Variants in DAO observed in about 807,000 individuals in gnomAD.
DAO encodes D-amino acid oxidase.
A neutral mutation model predicts 50.1 loss-of-function variants in DAO; 51 were observed. That is an observed-to-expected ratio of 1.02 (90% CI 0.81 to 1.29). The LOEUF (loss-of-function observed/expected upper bound fraction) is 1.29. Ranked by LOEUF, DAO falls within the 50% of genes most tolerant of loss-of-function variation. DAO has a pLI of 0.00. For synonymous variants in DAO, 160 were observed against 166.2 expected (o/e 0.96, Z 0.29); for missense variants, 436 against 439.4 (o/e 0.99, Z 0.07).
intron 7 of DAO, among the ~76,000 whole-genome samples, chr12:108,895,787 G>A (rs547982463): frequency 1.1e-4 from 16 of 151,820 alleles, no homozygotes; most frequent in Non-Finnish European, 2.2e-4. Flanking sequence ...GTGTGTGCAT[G>A]TGCACCTGTG....
At position 108,900,195 on chromosome 12, in the gene DAO, A is replaced by T; in HGVS notation, c.913-209A>T. 7.2e-6 allele frequency: 4 copies of T among 559,036 alleles called. 1 individual carries two copies. In the South Asian group the frequency reaches 7.8e-5, roughly 11 times the overall value. 34.6% of individuals were successfully genotyped at this position (559,036 alleles called of 1,614,324 possible). On this transcript the variant is annotated intron_variant, in intron 10 of 10. Transcript: ENST00000228476. ...AATTTGACTCCAAGGCTATTTCCAGATATCCATTTTGTGGCTGCCCCATCA... is the reference window on the plus strand; with the variant it reads ...AATTTGACTCCAAGGCTATTTCCAGTTATCCATTTTGTGGCTGCCCCATCA...
intron 1 of DAO, 59 bp downstream of exon 1, chr12:108,880,283 G>A: frequency 2.7e-6 from 1 of 374,650 alleles, no homozygotes; most frequent in Non-Finnish European, 5.4e-6. Flanking sequence ...GAGAGGCAAA[G>A]GATTTCATGT....
chr12:108,888,168 A>G (rs531759640), intron 3 of DAO, among the ~76,000 whole-genome samples: 16 of 152,312 alleles, frequency 1.1e-4, no homozygotes, highest in African/African-American at 3.6e-4. Context: ...CATGGTGTCC[A>G]GTGTGCTAAC....
rs758571359 is a variant in DAO, at chr12:108,887,493, C to T, written c.238C>T (p.His80Tyr). 1.8e-5 allele frequency: 29 copies of T among 1,614,036 alleles called. No homozygotes were observed. In the South Asian group the frequency reaches 3.1e-4, roughly 17 times the overall value. The change falls in exon 3 of 11, where the codon CAT becomes TAT. Residue 80 changes from histidine to tyrosine, a missense_variant. By Grantham distance (83) the His-to-Tyr change is moderately conservative. Transcript: ENST00000228476. Reference protein sequence around the residue: ...QTFDYLLSHVHSPNAENLGLF... With the variant: ...QTFDYLLSHVYSPNAENLGLF... ...CTTTGACTATCTCCTGAGCCATGTCCATTCTCCCAACGCTGAAAACCTGGG... is the reference window on the plus strand; with the variant it reads ...CTTTGACTATCTCCTGAGCCATGTCTATTCTCCCAACGCTGAAAACCTGGG...
At chr12:108,892,154 T>C (rs2039498180) in intron 5 of DAO, among the ~76,000 whole-genome samples, 1 of 147,098 alleles carries the variant, frequency 6.8e-6, no homozygotes, top group African/African-American at 2.5e-5. Context: ...ATTTCTTTCT[T>C]TCTTCTTTTT....
At chr12:108,890,829 G>C (rs189280337) in intron 5 of DAO, among the ~76,000 whole-genome samples, 1 of 151,882 alleles carries the variant, frequency 6.6e-6, no homozygotes, top group African/African-American at 2.4e-5. Context: ...TACCTTTTTT[G>C]TGTGTGTGAG....
At chr12:108,896,445 G>GAAAAAAAAAAAAAAAAAAAAAAAAAAAAA (rs2039558419) in intron 7 of DAO, among the ~76,000 whole-genome samples, 1 of 123,322 alleles carries the variant, frequency 8.1e-6, no homozygotes, top group African/African-American at 3.3e-5. Context: ...AAAAAAAATT[G>GAAAAAAAAAAAAAAAAAAAAAAAAAAAAA]AAGGTTTGAA....
At chr12:108,894,160 A>G in intron 6 of DAO, 103 bp from the exon 7 acceptor site, 1 of 886,794 alleles carries the variant, frequency 1.1e-6, no homozygotes, top group Non-Finnish European at 1.8e-6. Flanking sequence ...ACTGTTCATC[A>G]GGGAGTAGAC....
intron 1 of DAO, among the ~76,000 whole-genome samples, chr12:108,884,008 C>A (rs2039407893): frequency 6.6e-6 from 1 of 152,242 alleles, no homozygotes. Context: ...ACAAATAATT[C>A]TCTTGTTCTG....
In DAO at chr12:108,880,145, C is replaced by T. The variant is rs1566032485; in HGVS notation, c.-89C>T. ...GGCTGGAAACAAGACGCTCCAGAAT[C>T]AGGAGCTTCCCCTCAGGAAATAGCA... On this transcript the variant is annotated 5_prime_UTR_variant, in exon 1 of 11. Coordinates refer to ENST00000228476, the MANE Select transcript of DAO (RefSeq NM_001917.5). The T allele has an allele frequency of 2.2e-6, 1 of 456,702 alleles. No individual in the cohort carries two copies. Among genetic ancestry groups the T allele is most frequent in the African/African-American group, 2.0e-5 (1 of 50,202 alleles). The allele number at this position is 456,702 out of a possible 1,614,324, so 28.3% of individuals were successfully genotyped here.
At position 108,899,390 on chromosome 12, in the gene DAO, T is replaced by C. The variant is rs778334098; in HGVS notation, c.827T>C (p.Ile276Thr). The change falls in exon 10 of 11, where the codon ATT (isoleucine) becomes ACT (threonine). Residue 276 changes from isoleucine to threonine, a missense_variant. Transcript: ENST00000228476. ...TTTTCTTTCCAGAATGCAAGAATTA[T>C]TGGTGAACGAACTGGCTTCCGGCCA... ...LEPTLKNARIIGERTGFRPVR... is the reference protein window; with the variant it reads ...LEPTLKNARITGERTGFRPVR... 9 of 1,613,442 alleles carry C rather than the reference T, an allele frequency of 5.6e-6. No homozygotes were observed. The South Asian group carries it at 6.6e-5, about 12-fold the overall frequency.
At chr12:108,891,449 C>CA (rs35572480) in intron 5 of DAO, among the ~76,000 whole-genome samples, 139 of 111,870 alleles carry the variant, frequency 1.2e-3, no homozygotes, top group Middle Eastern at 4.7e-3. Flanking sequence ...GACCCTGTCT[C>CA]AAAAAAAAAA....
intron 7 of DAO, among the ~76,000 whole-genome samples, chr12:108,896,442 A>AAAAAAAAAAAAAAAAAAAAAAAAAAAAG (rs2039558139): frequency 6.7e-6 from 1 of 149,438 alleles, no homozygotes; most frequent in African/African-American, 2.5e-5. Flanking sequence ...AAAAAAAAAA[A>AAAAAAAAAAAAAAAAAAAAAAAAAAAAG]TTGAAGGTTT....
chr12:108,895,078 T>C (rs2039532719), intron 7 of DAO, among the ~76,000 whole-genome samples: 1 of 152,184 alleles, frequency 6.6e-6, no homozygotes, highest in African/African-American at 2.4e-5. Context: ...CATATCGTTA[T>C]TGTCATCTTA....
chr12:108,897,072 C>G lies in DAO; in HGVS notation c.679C>G (p.Pro227Ala). The change falls in exon 8 of 11, where the codon CCG (proline) becomes GCG (alanine). Residue 227 changes from proline (P) to alanine (A), a missense_variant. Pro to Ala is a conservative substitution (Grantham distance 27, BLOSUM62 -1). Coordinates refer to ENST00000228476, the MANE Select transcript of DAO (RefSeq NM_001917.5). ...HDPERGIYNS[P>A]YIIPGTQTVT... Reference sequence around the variant, plus strand: ...CCCAGAGAGAGGCATCTACAATTCCCCGTACATCATCCCAGGGTAAAATTG... The same window carrying G: ...CCCAGAGAGAGGCATCTACAATTCCGCGTACATCATCCCAGGGTAAAATTG... The G allele has an allele frequency of 1.9e-6, 3 of 1,613,530 alleles. No individual in the cohort carries two copies. Among genetic ancestry groups the G allele is most frequent in the Non-Finnish European group, 2.5e-6 (3 of 1,179,510 alleles).
At chr12:108,884,401 G>C (rs2137339743) in intron 1 of DAO, among the ~76,000 whole-genome samples, 1 of 152,302 alleles carries the variant, frequency 6.6e-6, no homozygotes, top group Admixed American at 6.5e-5. Context: ...GACAGTGTTG[G>C]GAGACTTGGA....
chr12:108,900,912 A>C lies in DAO; in HGVS notation c.*377A>C. 1 of 280,228 alleles carries C rather than the reference A, an allele frequency of 3.6e-6. No individual in the cohort carries two copies. The highest frequency in any genetic ancestry group is 6.9e-6 in the Non-Finnish European group (1 of 144,088). 17.4% of individuals were successfully genotyped at this position (280,228 alleles called of 1,614,324 possible). On this transcript the variant is annotated 3_prime_UTR_variant, in exon 11 of 11. Transcript: ENST00000228476. Reference sequence around the variant, plus strand: ...GTACTAACATATTAAAGGTTCTGAAAAGTCCTGCAGCAAAGACAACTATCT... The same window carrying C: ...GTACTAACATATTAAAGGTTCTGAACAGTCCTGCAGCAAAGACAACTATCT...
At chr12:108,897,223 T>G (rs961078543) in intron 8 of DAO, 135 bp downstream of exon 8, 1 of 692,728 alleles carries the variant, frequency 1.4e-6, no homozygotes, top group African/African-American at 1.8e-5. Flanking sequence ...TATTTTTTAT[T>G]ATTATTTTTT....
chr12:108,882,760 G>C lies in DAO; in HGVS notation c.-9-2238G>C, dbSNP rs1285316824. ...CGAACCTGGGTCTGTCTGACTCTCA[G>C]CCTGGGCCATACTGTCTCTTAGATT... On this transcript the variant is annotated intron_variant, in intron 1 of 10. Coordinates refer to ENST00000228476, the MANE Select transcript of DAO (RefSeq NM_001917.5). 2.6e-5 allele frequency among the ~76,000 whole-genome samples: 4 copies of C among 152,278 alleles called. No individual in the cohort carries two copies. The East Asian group carries it at 7.7e-4, about 29-fold the overall frequency.
Sources: gnomAD v4.1 joint callset for allele counts (sites outside exome capture counted in the v4.1 genomes callset) on GRCh38, gnomAD v4.1.1 for gene constraint, MANE v1.5 for transcripts, NCBI Gene and HGNC (gene_info 2026-07-23, HGNC 2026-07-21) for gene names.